Variants in SSB observed in about 807,000 individuals in gnomAD.
SSB encodes lupus La protein.
SSB carries 17 observed loss-of-function variants against 52.9 expected under a neutral mutation model. That is an observed-to-expected ratio of 0.32 (90% CI 0.22 to 0.48). The LOEUF is 0.48. Ranked by LOEUF, SSB falls within the 20% of genes least tolerant of loss-of-function variation. The probability of loss-of-function intolerance (pLI) is 0.99; values close to 1 mark genes in which losing one functional copy is unlikely to be tolerated. For missense variants in SSB, 314 were observed against 463.6 expected (o/e 0.68, Z 2.96); for synonymous variants, 111 against 152.1 (o/e 0.73, Z 1.99).
rs955286937 is a variant in SSB at position 169,805,719 on chromosome 2, C to T, written c.225C>T (p.Ser75=). The change falls in exon 4 of 12, where the codon TCC becomes TCT. Residue 75 remains serine, a synonymous_variant. Transcript: ENST00000260956. ...TAATTGTGGAAGCATTGAGCAAATC[C>T]AAGGCAGAACTCATGGAAATCAGTG... ...FNVIVEALSK[S]KAELMEISED... 1.2e-6 allele frequency: 2 copies of T among 1,613,836 alleles called. No individual in the cohort carries two copies. The highest frequency in any genetic ancestry group is 2.7e-5 in the African/African-American group (2 of 74,862).
chr2:169,809,484 T>G (rs1406280486), intron 8 of SSB, among the ~76,000 whole-genome samples: 2 of 152,226 alleles, frequency 1.3e-5, no homozygotes, highest in Non-Finnish European at 2.9e-5. Flanking sequence ...TCCTATAACT[T>G]CTAAAGATTC....
chr2:169,807,097 C>T (rs778337894), intron 6 of SSB, 26 bp downstream of exon 6: 1 of 1,599,424 alleles, frequency 6.3e-7, no homozygotes, highest in Admixed American at 1.7e-5. Flanking sequence ...GATGTTTCTC[C>T]TGGCCTTTTA....
At chr2:169,807,538 C>T (rs2353709) in intron 6 of SSB, among the ~76,000 whole-genome samples, 88,633 of 152,032 alleles carry the variant, frequency 0.58, 27,262 homozygotes, top group Admixed American at 0.69. Flanking sequence ...ATCCGCCTGC[C>T]TTGGCCTCCC....
In SSB at chr2:169,807,088, A is replaced by T. The variant is rs770592828; in HGVS notation, c.554+17A>T. On this transcript the variant is annotated intron_variant, in intron 6 of 11. Transcript: ENST00000260956. ...ACTTTTCAAGTAAGTCTTTTTGCTG[A>T]TGTTTCTCCTGGCCTTTTACTTATA... 2 of 1,607,226 alleles carry T rather than the reference A, an allele frequency of 1.2e-6. No individual in the cohort carries two copies. Among genetic ancestry groups the T allele is most frequent in the Admixed American group, 1.7e-5 (1 of 59,812 alleles).
At chr2:169,800,391 C>A (rs999076446) in intron 1 of SSB, among the ~76,000 whole-genome samples, 1 of 151,832 alleles carries the variant, frequency 6.6e-6, no homozygotes, top group African/African-American at 2.4e-5. Context: ...ATTAGTCAGC[C>A]GCAGCCGTGG....
intron 10 of SSB, 41 bp from the exon 11 acceptor site, chr2:169,811,141 TA>T (rs1179035799): frequency 1.9e-6 from 3 of 1,593,124 alleles, no homozygotes; most frequent in Non-Finnish European, 2.6e-6. Context: ...ACAAGAGACT[TA>T]AAAAAAGTTC....
intron 8 of SSB, 81 bp from the exon 9 acceptor site, chr2:169,810,202 A>C: frequency 1.2e-5 from 12 of 975,090 alleles, no homozygotes; most frequent in Non-Finnish European, 1.7e-5. Context: ...TTTTTCTTGT[A>C]TAGCTATAAG....
intron 2 of SSB, 82 bp from the exon 3 acceptor site, chr2:169,805,392 C>T: frequency 2.1e-6 from 2 of 956,720 alleles, no homozygotes; most frequent in South Asian, 1.6e-5. Context: ...TTTTAAATAA[C>T]AGAACTTGGT....
At chr2:169,810,512 G>T (rs916993967) in intron 9 of SSB, 89 bp downstream of exon 9, 18 of 1,242,736 alleles carry the variant, frequency 1.4e-5, no homozygotes, top group Non-Finnish European at 1.9e-5. Flanking sequence ...TTTAAAAATT[G>T]TGTTTATTAA....
At chr2:169,799,916 C>T (rs1025440918) in intron 1 of SSB, among the ~76,000 whole-genome samples, 1 of 152,152 alleles carries the variant, frequency 6.6e-6, no homozygotes, top group African/African-American at 2.4e-5. Context: ...GACTGGGTGG[C>T]TTAGTAGAGT....
intron 11 of SSB, 65 bp downstream of exon 11, chr2:169,811,388 T>G (rs1689952704): frequency 6.8e-7 from 1 of 1,475,686 alleles, no homozygotes; most frequent in African/African-American, 1.4e-5. Context: ...AATAAATGAT[T>G]TGCCAGAGAG....
intron 1 of SSB, chr2:169,799,278 CT>C (rs55750138): frequency 0.014 from 1,453 of 103,334 alleles, 26 homozygotes; most frequent in African/African-American, 0.048. Context: ...CCCATTGCGT[CT>C]TTTTTTTTTT....
At chr2:169,805,971 CTTTTGTTTTG>C in intron 4 of SSB, 132 bp downstream of exon 4, 2 of 1,006,284 alleles carry the variant, frequency 2.0e-6, no homozygotes, top group Non-Finnish European at 3.0e-6. Flanking sequence ...ACCTAAGTTT[CTTTTGTTTTG>C]TTTTGTTTTG....
intron 1 of SSB, chr2:169,799,456 C>T (rs1041781638): frequency 1.3e-5 from 2 of 152,086 alleles, no homozygotes; most frequent in African/African-American, 2.4e-5. Context: ...ACCAGCGTCA[C>T]TCTTTTGGTC....
chr2:169,806,334 A>G (rs1015899997), intron 4 of SSB, among the ~76,000 whole-genome samples: 1 of 152,218 alleles, frequency 6.6e-6, no homozygotes, highest in Non-Finnish European at 1.5e-5. Flanking sequence ...AAATGAAAAA[A>G]AATATATATA....
At chr2:169,799,531 A>G (rs1689663698) in intron 1 of SSB, 1 of 151,934 alleles carries the variant, frequency 6.6e-6, no homozygotes, top group Non-Finnish European at 1.5e-5. Flanking sequence ...GTAATATTTC[A>G]TTTACAGTCG....
intron 9 of SSB, 98 bp from the exon 10 acceptor site, chr2:169,810,760 G>A (rs1689933677): frequency 1.5e-5 from 18 of 1,187,560 alleles, no homozygotes; most frequent in Middle Eastern, 4.0e-4. Flanking sequence ...GTAAAGACAT[G>A]GAAGGTTTGC....
rs1472844651 is a variant in SSB, at chr2:169,800,558, T to C, written c.-9-394T>C. 4.0e-5 allele frequency among the ~76,000 whole-genome samples: 3 copies of C among 74,444 alleles called. No individual in the cohort carries two copies. In the East Asian group the frequency reaches 1.1e-3, roughly 27 times the overall value. The allele number at this position is 74,444 out of a possible 152,430, so 48.8% of individuals were successfully genotyped here. A position where few individuals can be genotyped will look rare whatever the true frequency, so the allele number is the denominator to read the frequency against. On this transcript the variant is annotated intron_variant, in intron 1 of 11. Coordinates refer to ENST00000260956, the MANE Select transcript of SSB (RefSeq NM_003142.5). ...TCAAAAAAAAAAAAAAAAAAAGAGG[T>C]GAACCCATACCAAACAAATGCACAG... is the stretch of plus-strand genomic sequence containing the variant.
chr2:169,808,497 C>CA lies in SSB; in HGVS notation c.578dup (p.Asn193LysfsTer2), dbSNP rs753297385. 7 of 1,609,140 alleles carry CA rather than the reference C, an allele frequency of 4.4e-6. No individual in the cohort carries two copies. Among genetic ancestry groups the CA allele is most frequent in the Non-Finnish European group, 5.9e-6 (7 of 1,177,004 alleles). ...TGTTCTTTAGGGACGATTACTTTGC[C>CA]AAAAAAAATGAAGAAAGAAAACAAA... is the stretch of plus-strand genomic sequence containing the variant. On this transcript the variant is annotated frameshift_variant, in exon 7 of 12. Transcript: ENST00000260956. LOFTEE classifies it high-confidence loss of function.
Sources: gnomAD v4.1 joint callset for allele counts (sites outside exome capture counted in the v4.1 genomes callset) on GRCh38, gnomAD v4.1.1 for gene constraint, MANE v1.5 for transcripts, NCBI Gene and HGNC (gene_info 2026-07-23, HGNC 2026-07-21) for gene names.